Variants in LGI1 observed in about 807,000 individuals in gnomAD.
The protein encoded by LGI1 is leucine rich glioma inactivated 1.
LGI1 carries 11 observed loss-of-function variants against 57.7 expected under a neutral mutation model. That is an observed-to-expected ratio of 0.19 (90% CI 0.12 to 0.32). The LOEUF is 0.32. Ranked by LOEUF, LGI1 falls within the 10% of genes least tolerant of loss-of-function variation. LGI1 has a pLI of 1.00. For synonymous variants in LGI1, 222 were observed against 241.9 expected (o/e 0.92, Z 0.76); for missense variants, 422 against 661.9 (o/e 0.64, Z 3.98).
chr10:93,765,470 G>A (rs569982772), intron 2 of LGI1: 1 of 152,264 alleles, frequency 6.6e-6, no homozygotes, highest in East Asian at 1.9e-4. Context: ...TGTGGTACAT[G>A]CACATGGAGC....
At chr10:93,792,162 TA>T (rs1157295791) in intron 5 of LGI1, 6 of 152,574 alleles carry the variant, frequency 3.9e-5, no homozygotes, top group African/African-American at 1.2e-4. Flanking sequence ...TTTGGGTATA[TA>T]CACCTATTTT....
chr10:93,775,479 A>T (rs973269206), intron 2 of LGI1, among the ~76,000 whole-genome samples: 1 of 152,236 alleles, frequency 6.6e-6, no homozygotes, highest in Non-Finnish European at 1.5e-5. Flanking sequence ...AAAACAAATA[A>T]GGGCAAATTC....
intron 4 of LGI1, among the ~76,000 whole-genome samples, chr10:93,778,161 C>G (rs1198598282): frequency 6.6e-6 from 1 of 152,142 alleles, no homozygotes; most frequent in African/African-American, 2.4e-5. Context: ...GTTGTCACAA[C>G]TGGGGATGTA....
In LGI1 at chr10:93,793,377, G is replaced by A. The variant is rs777679645; in HGVS notation, c.838+27G>A. 8 of 1,605,712 alleles carry A rather than the reference G, an allele frequency of 5.0e-6. No homozygotes were observed. The South Asian group carries it at 7.7e-5, about 15-fold the overall frequency. ...TATGAAAAGCCTAATGATATTTTGAGTGGTAATTTAAACTGCTTCAGCCAA... is the reference window on the plus strand; with the variant it reads ...TATGAAAAGCCTAATGATATTTTGAATGGTAATTTAAACTGCTTCAGCCAA... On this transcript the variant is annotated intron_variant, in intron 7 of 7. Coordinates refer to ENST00000371418, the MANE Select transcript of LGI1 (RefSeq NM_005097.4).
rs1340727227 is a variant in LGI1, at chr10:93,786,730, AG to A, written c.432-3367del. On this transcript the variant is annotated intron_variant, in intron 4 of 7. Transcript: ENST00000371418. ...CCAACCTCAGCCTCCCAGAGTAACTAGGACCACAGGCACACACCACACCCAA... is the reference window on the plus strand; with the variant it reads ...CCAACCTCAGCCTCCCAGAGTAACTAGACCACAGGCACACACCACACCCAA... Among the ~76,000 whole-genome samples, 3 of 150,480 alleles carry A rather than the reference AG, an allele frequency of 2.0e-5. 1 individual carries two copies. Among genetic ancestry groups the A allele is most frequent in the African/African-American group, 7.3e-5 (3 of 41,150 alleles).
At position 93,797,311 on chromosome 10, in the gene LGI1, C is replaced by G; in HGVS notation, c.1182C>G (p.Leu394=). The part of the protein sequence containing the change: ...YLEIVRTPQT[L]RTPHLILSSS... ...AAATAGTCAGAACACCTCAGACACT[C>G]AGAACGCCTCATTTAATTCTGTCTA... The change falls in exon 8 of 8, where the codon CTC becomes CTG. Residue 394 remains leucine, a synonymous_variant. Transcript: ENST00000371418. This position sits in a 1 kb window ranked among gnomAD's most constrained non-coding sequence, Gnocchi z 6.5. The G allele has an allele frequency of 1.2e-6, 2 of 1,614,194 alleles. No individual in the cohort carries two copies. Among genetic ancestry groups the G allele is most frequent in the South Asian group, 2.2e-5 (2 of 91,082 alleles).
intron 4 of LGI1, among the ~76,000 whole-genome samples, chr10:93,783,744 G>A (rs1046129235): frequency 2.5e-4 from 38 of 152,186 alleles, no homozygotes; most frequent in African/African-American, 9.2e-4. Context: ...GTGTGCGGTG[G>A]CTCATGCTTG....
chr10:93,779,756 C>T (rs1413874551), intron 4 of LGI1, among the ~76,000 whole-genome samples: 6 of 152,130 alleles, frequency 3.9e-5, no homozygotes, highest in South Asian at 2.1e-4. Flanking sequence ...ATTTCAGGTT[C>T]GAGGAACACC....
Position 93,777,126 on chromosome 10 carries a change from A to C in LGI1, c.288-253A>C, listed in dbSNP as rs969568207. 29 of 584,906 alleles carry C rather than the reference A, an allele frequency of 5.0e-5. No homozygotes were observed. In the African/African-American group the frequency reaches 5.4e-4, roughly 11 times the overall value. 36.2% of individuals were successfully genotyped at this position (584,906 alleles called of 1,614,324 possible). Reference sequence around the variant, plus strand: ...TCATAGCTGCTCTGATTGTATCTCAAAATGTCACCCAGGGTATGTGGCAGT... The same window carrying C: ...TCATAGCTGCTCTGATTGTATCTCACAATGTCACCCAGGGTATGTGGCAGT... On this transcript the variant is annotated intron_variant, in intron 2 of 7. Coordinates refer to ENST00000371418, the MANE Select transcript of LGI1 (RefSeq NM_005097.4).
chr10:93,787,347 C>T (rs2059899570), intron 4 of LGI1, among the ~76,000 whole-genome samples: 2 of 152,194 alleles, frequency 1.3e-5, no homozygotes, highest in South Asian at 4.1e-4. Flanking sequence ...AAGCCTGTCA[C>T]AAGAGGTTCT....
intron 4 of LGI1, among the ~76,000 whole-genome samples, chr10:93,787,795 T>G (rs76835522): frequency 0.049 from 7,474 of 151,616 alleles, 253 homozygotes; most frequent in African/African-American, 0.1. Context: ...TGGTCCCAGC[T>G]ACTGGAGAGG....
Position 93,783,818 on chromosome 10 carries a change from C to T in LGI1, c.431+6201C>T, listed in dbSNP as rs528691052. 2.9e-4 allele frequency among the ~76,000 whole-genome samples: 44 copies of T among 152,282 alleles called. No individual in the cohort carries two copies. The South Asian group carries it at 8.9e-3, about 31-fold the overall frequency. On this transcript the variant is annotated intron_variant, in intron 4 of 7. Transcript: ENST00000371418. ...CTTGAGGTCAGGAGTTCAAGACCAG[C>T]CTGGCCAACATGGTGAAACCCCATC... is the stretch of plus-strand genomic sequence containing the variant.
intron 6 of LGI1, 119 bp from the exon 7 acceptor site, chr10:93,793,066 TA>T: frequency 8.6e-7 from 1 of 1,161,540 alleles, no homozygotes. Context: ...TTCATGTGTT[TA>T]AAAGTAAAAT....
intron 4 of LGI1, among the ~76,000 whole-genome samples, chr10:93,787,703 T>G (rs900106358): frequency 6.6e-6 from 1 of 151,338 alleles, no homozygotes; most frequent in African/African-American, 2.4e-5. Context: ...AGCCCAAGAG[T>G]TCAAGACCAG....
intron 5 of LGI1, 165 bp downstream of exon 5, chr10:93,790,335 T>C: frequency 1.6e-6 from 1 of 634,950 alleles, no homozygotes; most frequent in Non-Finnish European, 2.7e-6. Context: ...GGACTAACAT[T>C]TGAGTCTTCT....
chr10:93,783,843 C>T (rs1304320911), intron 4 of LGI1, among the ~76,000 whole-genome samples: 1 of 152,110 alleles, frequency 6.6e-6, no homozygotes, highest in Admixed American at 6.5e-5. Context: ...GAAACCCCAT[C>T]TCTACTAAAA....
intron 2 of LGI1, chr10:93,763,953 A>C (rs749172265): frequency 1.6e-4 from 25 of 152,242 alleles, no homozygotes; most frequent in Non-Finnish European, 3.4e-4. Flanking sequence ...ATGAAAAGAA[A>C]AATCAATAAC....
chr10:93,789,036 A>G (rs1000769833), intron 4 of LGI1: 6 of 152,294 alleles, frequency 3.9e-5, no homozygotes, highest in Admixed American at 1.3e-4. Flanking sequence ...GCACTGTGCT[A>G]TGTCTATATT....
chr10:93,771,558 T>A (rs2059740327), intron 2 of LGI1: 1 of 152,122 alleles, frequency 6.6e-6, no homozygotes, highest in African/African-American at 2.4e-5. Flanking sequence ...ATGCAATACT[T>A]AACGAGTGCA....
Sources: gnomAD v4.1 joint callset for allele counts (sites outside exome capture counted in the v4.1 genomes callset) on GRCh38, gnomAD v4.1.1 for gene constraint, Gnocchi (gnomAD v3.1) non-coding constraint, MANE v1.5 for transcripts, NCBI Gene and HGNC (gene_info 2026-07-23, HGNC 2026-07-21) for gene names.